The following ZDHHC6 variants were observed in gnomAD, a reference collection of about 807,000 sequenced individuals.
The protein encoded by ZDHHC6 is palmitoyltransferase ZDHHC6.
In ZDHHC6, 32 loss-of-function variants were observed where a neutral mutation model predicts 57.8. The ratio of observed to expected loss-of-function variants is 0.55; its 90% CI spans 0.42 to 0.74. The LOEUF is 0.74. Ranked by LOEUF, ZDHHC6 falls within the 30% of genes least tolerant of loss-of-function variation. The probability of loss-of-function intolerance (pLI) is 0.00; values close to 1 mark genes in which losing one functional copy is unlikely to be tolerated. For synonymous variants in ZDHHC6, 128 were observed against 158.0 expected, an observed-to-expected ratio of 0.81 and a Z score of 1.42; for missense variants, 433 against 500.7, an observed-to-expected ratio of 0.86 and a Z score of 1.29.
intron 5 of ZDHHC6, 67 bp downstream of exon 5, chr10:112,440,467 G>A (rs533373978): frequency 1.8e-5 from 27 of 1,494,142 alleles, no homozygotes; most frequent in Non-Finnish European, 2.4e-5. Flanking sequence ...TACAGGCTTT[G>A]TCTCTTTCTT....
chr10:112,446,239 A>G (rs1846693915), intron 1 of ZDHHC6, among the ~76,000 whole-genome samples: 1 of 152,214 alleles, frequency 6.6e-6, no homozygotes, highest in African/African-American at 2.4e-5. Context: ...AAGGAGCGAC[A>G]GTGAAAGCAA....
upstream of ZDHHC6, chr10:112,447,200 A>G: frequency 1.7e-6 from 1 of 604,268 alleles, no homozygotes; most frequent in Non-Finnish European, 2.8e-6. Context: ...ATTTCCGGAG[A>G]ACCGAGATTG....
chr10:112,444,760 A>C (rs1410919345), intron 2 of ZDHHC6, among the ~76,000 whole-genome samples: 1 of 152,176 alleles, frequency 6.6e-6, no homozygotes, highest in African/African-American at 2.4e-5. Context: ...AATGATTTTA[A>C]AACTTTATGA....
At chr10:112,437,707 CCT>C (rs1365290820) in intron 6 of ZDHHC6, among the ~76,000 whole-genome samples, 2 of 152,154 alleles carry the variant, frequency 1.3e-5, no homozygotes, top group African/African-American at 2.4e-5. Context: ...TGAATATTCC[CCT>C]GTGGCAACAA....
intron 3 of ZDHHC6, 67 bp from the exon 4 acceptor site, chr10:112,442,418 T>A: frequency 1.3e-6 from 2 of 1,483,936 alleles, no homozygotes; most frequent in African/African-American, 2.8e-5. Context: ...ACTTTGGTCT[T>A]CAAAAGATCA....
At chr10:112,426,371 C>T (rs1844712838), downstream of ZDHHC6, 1 of 1,610,864 alleles carries the variant, frequency 6.2e-7, no homozygotes, top group Non-Finnish European at 8.5e-7. Flanking sequence ...TAAGTCTTGC[C>T]TAGGAAAGCT....
intron 3 of ZDHHC6, among the ~76,000 whole-genome samples, chr10:112,443,277 G>T (rs1846313809): frequency 1.3e-5 from 2 of 152,200 alleles, no homozygotes; most frequent in Non-Finnish European, 2.9e-5. Flanking sequence ...AAGAGGCAAA[G>T]TAAATCTGTA....
downstream of ZDHHC6, chr10:112,426,561 A>G (rs935937582): frequency 3.2e-6 from 2 of 620,934 alleles, no homozygotes; most frequent in Non-Finnish European, 5.6e-6. Flanking sequence ...GTGGGAAAAG[A>G]TTGGGAAAGA....
chr10:112,438,778 C>T (rs1292805496), intron 5 of ZDHHC6, among the ~76,000 whole-genome samples: 1 of 152,156 alleles, frequency 6.6e-6, no homozygotes, highest in Non-Finnish European at 1.5e-5. Flanking sequence ...TTTAAATTTA[C>T]GATTAATCTA....
In ZDHHC6 at chr10:112,444,487, C is replaced by T. The variant is rs755800429; in HGVS notation, c.267+683G>A. On this transcript the variant is annotated intron_variant, in intron 2 of 10. Transcript: ENST00000369405. The stretch of plus-strand genomic sequence containing the variant: ...AAATTACATCTTACCCTCCTCTGTA[C>T]GCATTTTGAATAGTACATAGCACAT... Among the ~76,000 whole-genome samples the T allele has an allele frequency of 5.3e-5, 8 of 152,218 alleles. No individual in the cohort carries two copies. In the South Asian group the frequency reaches 8.3e-4, roughly 16 times the overall value.
At chr10:112,425,236 A>T (rs1844621858) in exon 12 of ZDHHC6, 2 of 1,087,296 alleles carry the variant, frequency 1.8e-6, no homozygotes, top group Non-Finnish European at 2.6e-6. Context: ...TCTCTGGAGA[A>T]ATCAGCTTTA....
downstream of ZDHHC6, chr10:112,427,452 A>ATT: frequency 2.4e-6 from 3 of 1,225,054 alleles, no homozygotes; most frequent in Admixed American, 3.1e-5. Context: ...CTTTCCTCCT[A>ATT]TTTTTTTTTA....
Position 112,445,257 on chromosome 10 carries a change from C to T in ZDHHC6, c.180G>A (p.Met60Ile), listed in dbSNP as rs570086867. Residue 60 changes from methionine to isoleucine, a missense_variant, in exon 2 of 11, where the codon ATG becomes ATA. Physicochemically the swap from Met to Ile is conservative, Grantham distance 10. Transcript: ENST00000369405. ...GAATCATGACAGTCCAATTTATCAA[C>T]ATGATGAAATTCACACTTCCTCCAG... ...HTTGGSVNFI[M>I]LINWTVMILY... is the part of the protein sequence containing the mutation. 67 of 1,614,064 alleles carry T rather than the reference C, an allele frequency of 4.2e-5. No homozygotes were observed. Among genetic ancestry groups the T allele is most frequent in the Non-Finnish European group, 5.4e-5 (64 of 1,180,042 alleles).
At chr10:112,446,549 C>G (rs1267784689) in intron 1 of ZDHHC6, 156 bp downstream of exon 1, 1 of 152,166 alleles carries the variant, frequency 6.6e-6, no homozygotes. Flanking sequence ...GTTTCCCGCC[C>G]GAGTCATGGA....
intron 6 of ZDHHC6, among the ~76,000 whole-genome samples, chr10:112,437,535 T>A (rs1845658210): frequency 6.6e-6 from 1 of 152,212 alleles, no homozygotes; most frequent in South Asian, 2.1e-4. Flanking sequence ...CTTATCTGTG[T>A]GAGGCTAGAT....
At chr10:112,428,592 A>G (rs959177545), downstream of ZDHHC6, among the ~76,000 whole-genome samples, 2 of 152,094 alleles carry the variant, frequency 1.3e-5, no homozygotes, top group African/African-American at 4.8e-5. Context: ...TACTATGGTG[A>G]AACCCCATCT....
intron 1 of ZDHHC6, among the ~76,000 whole-genome samples, chr10:112,446,374 G>A (rs1004146332): frequency 2.0e-5 from 3 of 152,142 alleles, no homozygotes; most frequent in African/African-American, 7.2e-5. Flanking sequence ...GAAAGAAGAG[G>A]AAGTGCCTCC....
intron 4 of ZDHHC6, among the ~76,000 whole-genome samples, chr10:112,441,195 C>T (rs1225724062): frequency 6.6e-6 from 1 of 152,162 alleles, no homozygotes; most frequent in African/African-American, 2.4e-5. Context: ...TGCAGGATAT[C>T]ATTCTTAGTT....
chr10:112,433,423 G>T, intron 7 of ZDHHC6, 142 bp from the exon 8 acceptor site: 1 of 617,694 alleles, frequency 1.6e-6, no homozygotes, highest in Non-Finnish European at 2.6e-6. Flanking sequence ...AAAGGCCACA[G>T]GTTGTTTTAG....
Sources: gnomAD v4.1 joint callset for allele counts (sites outside exome capture counted in the v4.1 genomes callset) on GRCh38, gnomAD v4.1.1 for gene constraint, MANE v1.5 for transcripts, NCBI Gene and HGNC (gene_info 2026-07-23, HGNC 2026-07-21) for gene names.